ZDHHC2: variants seen among roughly 807,000 people sequenced by gnomAD.
ZDHHC2 encodes zDHHC palmitoyltransferase 2.
In ZDHHC2, 51 loss-of-function variants were observed where a neutral mutation model predicts 55.6. The observed-to-expected ratio is 0.92, with a 90% CI of 0.73 to 1.16. The LOEUF (loss-of-function observed/expected upper bound fraction) is 1.16, where lower values mean the gene tolerates loss of function less well. ZDHHC2 is among the 50% of genes most tolerant of loss of function. ZDHHC2 has a pLI of 0.00. For missense variants in ZDHHC2, 491 were observed against 442.4 expected (o/e 1.11, Z -0.99); for synonymous variants, 199 against 152.9 (o/e 1.30, Z -2.22).
intron 10 of ZDHHC2, among the ~76,000 whole-genome samples, chr8:17,213,762 A>G (rs775831273): frequency 2.6e-5 from 4 of 152,204 alleles, no homozygotes; most frequent in Non-Finnish European, 5.9e-5. Context: ...GAATCTTCAG[A>G]GTCCCTAAAC....
chr8:17,182,360 C>G (rs912091621), intron 1 of ZDHHC2, among the ~76,000 whole-genome samples: 14 of 151,974 alleles, frequency 9.2e-5, no homozygotes, highest in Non-Finnish European at 1.0e-4. Flanking sequence ...AAAATAATGC[C>G]AAACTGCACT....
At chr8:17,195,092 G>A (rs10094988) in intron 3 of ZDHHC2, among the ~76,000 whole-genome samples, 71,464 of 151,972 alleles carry the variant, frequency 0.47, 18,753 homozygotes, top group African/African-American at 0.68. Context: ...TAGGTAAGAA[G>A]ATATGCTTAA....
intron 6 of ZDHHC2, among the ~76,000 whole-genome samples, chr8:17,204,178 C>T (rs575579696): frequency 6.6e-5 from 10 of 152,326 alleles, no homozygotes; most frequent in African/African-American, 2.4e-4. Context: ...AAATCTAATG[C>T]TATTCCCTTT....
intron 1 of ZDHHC2, among the ~76,000 whole-genome samples, chr8:17,165,193 A>G (rs746331890): frequency 1.3e-5 from 2 of 152,352 alleles, no homozygotes; most frequent in Admixed American, 6.5e-5. Context: ...TCACACTGAA[A>G]GTCATAAGCT....
Position 17,223,624 on chromosome 8 carries a change from C to T in ZDHHC2, c.*3403C>T, listed in dbSNP as rs1299042129. On this transcript the variant is annotated 3_prime_UTR_variant, in exon 13 of 13. Coordinates refer to ENST00000262096, the MANE Select transcript of ZDHHC2 (RefSeq NM_016353.5). ...GATACCATTAGAATTTTCTCACTGT[C>T]TTGGTAAAAATTCCTAGATTCTACT... 6.6e-6 allele frequency: 1 copy of T among 151,778 alleles called. No homozygotes were observed. Among genetic ancestry groups the T allele is most frequent in the African/African-American group, 2.4e-5 (1 of 41,394 alleles). The allele number at this position is 151,778 out of a possible 1,614,324, so 9.4% of individuals were successfully genotyped here. A position where few individuals can be genotyped will look rare whatever the true frequency, so the allele number is the denominator to read the frequency against.
intron 6 of ZDHHC2, among the ~76,000 whole-genome samples, chr8:17,202,486 A>G (rs73669033): frequency 0.01 from 1,593 of 152,336 alleles, 47 homozygotes; most frequent in African/African-American, 0.036. Flanking sequence ...CAGGGCCAAC[A>G]GCTGTGTTTT....
chr8:17,210,604 C>T, intron 10 of ZDHHC2, 124 bp downstream of exon 10: 3 of 737,760 alleles, frequency 4.1e-6, no homozygotes, highest in South Asian at 2.3e-5. Context: ...ATGGTTTCCA[C>T]TTGAAATGAG....
chr8:17,180,795 A>G (rs963249293), intron 1 of ZDHHC2, among the ~76,000 whole-genome samples: 2 of 152,154 alleles, frequency 1.3e-5, no homozygotes, highest in Admixed American at 6.5e-5. Context: ...CTTTGGTGCT[A>G]TTATGCTTAG....
chr8:17,200,701 C>G (rs1806715035), intron 6 of ZDHHC2, among the ~76,000 whole-genome samples: 1 of 152,200 alleles, frequency 6.6e-6, no homozygotes, highest in African/African-American at 2.4e-5. Flanking sequence ...TACTTACAGT[C>G]TGATAGCCTT....
At chr8:17,205,600 C>G in intron 6 of ZDHHC2, 55 bp from the exon 7 acceptor site, 1 of 1,504,148 alleles carries the variant, frequency 6.6e-7, no homozygotes, top group Non-Finnish European at 8.8e-7. Flanking sequence ...TGAGCATATG[C>G]ACATGTAGGT....
intron 3 of ZDHHC2, among the ~76,000 whole-genome samples, chr8:17,194,339 T>C (rs1365100864): frequency 7.1e-6 from 1 of 141,416 alleles, no homozygotes; most frequent in Non-Finnish European, 1.5e-5. Flanking sequence ...AATATATAAA[T>C]ATATAAATAT....
intron 3 of ZDHHC2, 82 bp downstream of exon 3, chr8:17,186,507 A>G (rs1211315789): frequency 1.2e-6 from 1 of 827,034 alleles, no homozygotes; most frequent in South Asian, 2.4e-5. Flanking sequence ...ATTTTATTTT[A>G]ATGTTGCAAA....
chr8:17,178,867 A>G (rs944581789), intron 1 of ZDHHC2, among the ~76,000 whole-genome samples: 9 of 152,206 alleles, frequency 5.9e-5, no homozygotes, highest in Admixed American at 2.0e-4. Context: ...TGTTATAACA[A>G]AAAACTGTCA....
At chr8:17,161,808 C>T (rs1173966927) in intron 1 of ZDHHC2, among the ~76,000 whole-genome samples, 2 of 151,270 alleles carry the variant, frequency 1.3e-5, no homozygotes, top group African/African-American at 4.9e-5. Context: ...TGCAGTGAGC[C>T]GAGATCACAC....
intron 1 of ZDHHC2, among the ~76,000 whole-genome samples, chr8:17,177,600 T>G (rs1805207496): frequency 6.6e-6 from 1 of 152,246 alleles, no homozygotes; most frequent in Non-Finnish European, 1.5e-5. Context: ...TAGAGTCTTA[T>G]TTACCATTTT....
chr8:17,176,324 C>T (rs769919574), intron 1 of ZDHHC2, among the ~76,000 whole-genome samples: 6 of 152,020 alleles, frequency 3.9e-5, no homozygotes, highest in Non-Finnish European at 8.8e-5. Context: ...AAGTTTTGCA[C>T]CATCGAAGAC....
At chr8:17,212,046 A>G (rs1399311969) in intron 10 of ZDHHC2, among the ~76,000 whole-genome samples, 1 of 152,068 alleles carries the variant, frequency 6.6e-6, no homozygotes, top group Non-Finnish European at 1.5e-5. Context: ...GAGATTTGGG[A>G]GAAATCTTAG....
At chr8:17,176,580 G>A (rs1041813840) in intron 1 of ZDHHC2, among the ~76,000 whole-genome samples, 3 of 152,048 alleles carry the variant, frequency 2.0e-5, no homozygotes, top group African/African-American at 4.8e-5. Flanking sequence ...GCTGAGTGCC[G>A]TGATCAAGAT....
chr8:17,180,028 T>G (rs1416534865), intron 1 of ZDHHC2, among the ~76,000 whole-genome samples: 1 of 152,224 alleles, frequency 6.6e-6, no homozygotes, highest in Non-Finnish European at 1.5e-5. Flanking sequence ...TTGTGTGTAT[T>G]TAGATGGTAT....
Sources: allele counts gnomAD v4.1 joint callset (sites outside exome capture counted in the v4.1 genomes callset), GRCh38; gene constraint gnomAD v4.1.1; transcripts MANE v1.5; gene names NCBI Gene and HGNC (gene_info 2026-07-23, HGNC 2026-07-21).